Variants in TSHZ2 observed in about 807,000 individuals in gnomAD.
TSHZ2 encodes the protein teashirt zinc finger homeobox 2, also known as teashirt homolog 2.
TSHZ2 carries 21 observed loss-of-function variants against 74.4 expected under a neutral mutation model. The observed-to-expected ratio is 0.28, with a 90% CI of 0.20 to 0.41. TSHZ2 has a LOEUF of 0.41. TSHZ2 is among the 10% of genes least tolerant of loss of function. TSHZ2 has a pLI of 1.00. For missense variants in TSHZ2, 1,244 were observed against 1,293.5 expected, an observed-to-expected ratio of 0.96 and a Z score of 0.59; for synonymous variants, 540 against 515.3, an observed-to-expected ratio of 1.05 and a Z score of -0.65.
At chr20:53,113,674 C>A (rs1986594200) in intron 1 of TSHZ2, among the ~76,000 whole-genome samples, 1 of 152,162 alleles carries the variant, frequency 6.6e-6, no homozygotes, top group Non-Finnish European at 1.5e-5. Context: ...AAAAATGTGT[C>A]CTAGAATTGA....
chr20:53,428,002 T>C (rs1239392599), intron 2 of TSHZ2, among the ~76,000 whole-genome samples: 1 of 152,186 alleles, frequency 6.6e-6, no homozygotes, highest in Non-Finnish European at 1.5e-5. Context: ...AATTATCTGA[T>C]TTGGCACACT....
chr20:52,988,910 C>A (rs1382452849), intron 1 of TSHZ2, among the ~76,000 whole-genome samples: 1 of 152,050 alleles, frequency 6.6e-6, no homozygotes, highest in Non-Finnish European at 1.5e-5. Context: ...TCCTGGCCAT[C>A]AAAAAATATG....
At chr20:53,078,306 TTGAA>T (rs1985427133) in intron 1 of TSHZ2, among the ~76,000 whole-genome samples, 1 of 152,236 alleles carries the variant, frequency 6.6e-6, no homozygotes, top group Admixed American at 6.5e-5. Flanking sequence ...TTCTATTCCT[TTGAA>T]TGAACACCTA....
chr20:53,434,506 G>C (rs1983968246), intron 2 of TSHZ2, among the ~76,000 whole-genome samples: 1 of 152,216 alleles, frequency 6.6e-6, no homozygotes, highest in Admixed American at 6.5e-5. Context: ...CCTGGAAATA[G>C]GTTTTGGAAG....
intron 1 of TSHZ2, among the ~76,000 whole-genome samples, chr20:53,226,427 G>GGTGT (rs762992567): frequency 8.6e-4 from 129 of 149,662 alleles, no homozygotes; most frequent in African/African-American, 2.3e-3. Context: ...TGTGTGGGTC[G>GGTGT]GTGTGTGTAT....
chr20:53,481,010 A>G (rs1458874799), intron 2 of TSHZ2, among the ~76,000 whole-genome samples: 1 of 150,068 alleles, frequency 6.7e-6, no homozygotes, highest in Admixed American at 6.7e-5. Flanking sequence ...ATTTATTTCC[A>G]TTTTATTTTT....
chr20:52,996,858 T>C (rs2248517), intron 1 of TSHZ2, among the ~76,000 whole-genome samples: 65,442 of 151,954 alleles, frequency 0.43, 14,463 homozygotes, highest in Non-Finnish European at 0.47. Flanking sequence ...TTTAGTCCAA[T>C]GCATATGTAA....
In TSHZ2 at chr20:53,173,369, G is replaced by A. The variant is rs756832787; in HGVS notation, c.41-80130G>A. Reference sequence around the variant, plus strand: ...TACACCTGTAATCCCAACACTTTGGGAGGCAGAGGCAGGCGGATCACTAGG... The same window carrying A: ...TACACCTGTAATCCCAACACTTTGGAAGGCAGAGGCAGGCGGATCACTAGG... On this transcript the variant is annotated intron_variant, in intron 1 of 2. Transcript: ENST00000371497. 1.7e-3 allele frequency among the ~76,000 whole-genome samples: 259 copies of A among 152,292 alleles called. 2 individuals are homozygous for A. Among genetic ancestry groups the A allele is most frequent in the Non-Finnish European group, 2.0e-3 (137 of 68,024 alleles).
At chr20:53,172,500 A>G (rs1568794043) in intron 1 of TSHZ2, among the ~76,000 whole-genome samples, 2 of 152,142 alleles carry the variant, frequency 1.3e-5, no homozygotes, top group South Asian at 4.1e-4. Context: ...TGGGTAGAGG[A>G]GGAAGAAATA....
chr20:53,478,849 C>T (rs78508439), intron 2 of TSHZ2, among the ~76,000 whole-genome samples: 11,263 of 150,128 alleles, frequency 0.075, 535 homozygotes, highest in South Asian at 0.23. Flanking sequence ...TACACACAAA[C>T]CGCAAAAAGA....
chr20:53,134,558 G>A (rs986351650), intron 1 of TSHZ2, among the ~76,000 whole-genome samples: 2 of 151,892 alleles, frequency 1.3e-5, no homozygotes, highest in Non-Finnish European at 2.9e-5. Context: ...TCAGGATTTT[G>A]ACTTGTCTGT....
At chr20:53,357,618 G>T (rs964012147) in intron 2 of TSHZ2, among the ~76,000 whole-genome samples, 3 of 152,072 alleles carry the variant, frequency 2.0e-5, no homozygotes, top group African/African-American at 7.2e-5. Flanking sequence ...ATTTTTTTGT[G>T]CTCAAGAAAC....
intron 2 of TSHZ2, among the ~76,000 whole-genome samples, chr20:53,468,205 G>A (rs1985618978): frequency 6.6e-6 from 1 of 152,106 alleles, no homozygotes; most frequent in African/African-American, 2.4e-5. Flanking sequence ...TATTTAGATT[G>A]ACATACCTTT....
At chr20:52,979,630 G>A (rs1042870098) in intron 1 of TSHZ2, among the ~76,000 whole-genome samples, 1 of 152,138 alleles carries the variant, frequency 6.6e-6, no homozygotes, top group Non-Finnish European at 1.5e-5. Context: ...GGAGGCATTT[G>A]AAAGTCATTA....
intron 1 of TSHZ2, among the ~76,000 whole-genome samples, chr20:53,095,891 A>G (rs1031575552): frequency 2.0e-5 from 3 of 152,250 alleles, no homozygotes; most frequent in East Asian, 3.9e-4. Context: ...ACAATTCACC[A>G]GGGAAATAAT....
intron 1 of TSHZ2, among the ~76,000 whole-genome samples, chr20:53,201,049 A>C (rs1473796987): frequency 6.6e-6 from 1 of 152,148 alleles, no homozygotes; most frequent in Non-Finnish European, 1.5e-5. Context: ...AAATTGAGTC[A>C]AAAGAAATGG....
At chr20:53,314,340 C>T (rs754431899) in intron 2 of TSHZ2, among the ~76,000 whole-genome samples, 1 of 151,602 alleles carries the variant, frequency 6.6e-6, no homozygotes. Context: ...TTATCTATTG[C>T]TGTGTAACTA....
chr20:53,113,680 A>G (rs1986594294), intron 1 of TSHZ2, among the ~76,000 whole-genome samples: 1 of 152,220 alleles, frequency 6.6e-6, no homozygotes, highest in African/African-American at 2.4e-5. Flanking sequence ...GTGTCCTAGA[A>G]TTGACTCTGA....
intron 2 of TSHZ2, among the ~76,000 whole-genome samples, chr20:53,420,813 C>G (rs1983441544): frequency 6.6e-6 from 1 of 152,088 alleles, no homozygotes; most frequent in Non-Finnish European, 1.5e-5. Context: ...TTGTTAATGC[C>G]TCATGCTGTA....
Sources: allele counts gnomAD v4.1 joint callset (sites outside exome capture counted in the v4.1 genomes callset), GRCh38; gene constraint gnomAD v4.1.1; transcripts MANE v1.5; gene names NCBI Gene and HGNC (gene_info 2026-07-23, HGNC 2026-07-21).